The following NUMA1 variants were observed in gnomAD, a reference collection of about 807,000 sequenced individuals.
NUMA1 encodes the protein nuclear mitotic apparatus protein 1.
In NUMA1, 62 loss-of-function variants were observed where a neutral mutation model predicts 237.1. The ratio of observed to expected loss-of-function variants is 0.26; its 90% CI spans 0.21 to 0.32. The LOEUF is 0.32. NUMA1 is among the 10% of genes least tolerant of loss of function. The pLI is 1.00. For missense variants in NUMA1, 2,533 were observed against 2,666.5 expected (o/e 0.95, Z 1.10); for synonymous variants, 1,028 against 1,066.1 (o/e 0.96, Z 0.70).
At position 72,008,793 on chromosome 11, in the gene NUMA1, G is replaced by A. The variant is rs761844073; in HGVS notation, c.5111C>T (p.Thr1704Ile). Residue 1704 changes from threonine to isoleucine, a missense_variant, in exon 20 of 27, where the codon ACT becomes ATT. This residue lies in a region of NUMA1 where 795 missense variants were observed against 750.8 expected (regional missense o/e 1.06). Coordinates refer to ENST00000393695, the MANE Select transcript of NUMA1 (RefSeq NM_006185.4). Reference protein sequence around the residue: ...LRDLGKFQVATDALKSREPQA... With the variant: ...LRDLGKFQVAIDALKSREPQA... Reference sequence around the variant, plus strand: ...GGGCTCACGGCTCTTTAAAGCATCAGTTGCCACCTGGAATTTGCCCAGGTC... The same window carrying A: ...GGGCTCACGGCTCTTTAAAGCATCAATTGCCACCTGGAATTTGCCCAGGTC... 2 of 1,614,162 alleles carry A rather than the reference G, an allele frequency of 1.2e-6. No homozygotes were observed. The highest frequency in any genetic ancestry group is 2.2e-5 in the South Asian group (2 of 91,084).
rs752586679 is a variant in NUMA1, at chr11:72,008,747, G to T, written c.5157C>A (p.Asp1719Glu). Reference protein sequence around the residue: ...SREPQAKPQLDLSIDSLDLSC... With the variant: ...SREPQAKPQLELSIDSLDLSC... Reference sequence around the variant, plus strand: ...TCAGATCCAGGCTGTCAATACTCAAGTCCAGCTGGGGCTTAGCCTGGGGCT... The same window carrying T: ...TCAGATCCAGGCTGTCAATACTCAATTCCAGCTGGGGCTTAGCCTGGGGCT... The change falls in exon 20 of 27, where the codon GAC becomes GAA. Residue 1719 changes from aspartate (D) to glutamate (E), a missense_variant. Transcript: ENST00000393695. 1.7e-5 allele frequency: 28 copies of T among 1,614,000 alleles called. No individual in the cohort carries two copies. In the East Asian group the frequency reaches 6.2e-4, roughly 36 times the overall value.
chr11:72,057,400 T>C (rs1942713453), intron 2 of NUMA1, among the ~76,000 whole-genome samples: 1 of 152,220 alleles, frequency 6.6e-6, no homozygotes. Flanking sequence ...TTGACTTTCA[T>C]ATTTCTTTAC....
chr11:72,021,281 G>A lies in NUMA1; in HGVS notation c.383C>T (p.Ala128Val). 1 of 1,614,082 alleles carries A rather than the reference G, an allele frequency of 6.2e-7. No individual in the cohort carries two copies. The highest frequency in any genetic ancestry group is 8.5e-7 in the Non-Finnish European group (1 of 1,179,974). ...QFEYKIQAEL[A>V]VILKFVLDHE... is the part of the protein sequence containing the mutation. ...GTCCAGCACAAATTTAAGAATGACA[G>A]CCAACTCAGCCTGGGCCACAGGGAG... Residue 128 changes from alanine to valine, a missense_variant, in exon 8 of 27, where the codon GCT becomes GTT. By Grantham distance (64) the Ala-to-Val change is moderately conservative (BLOSUM62 0). This residue lies in a region of NUMA1 where 1,414 missense variants were observed against 1,508.1 expected (regional missense o/e 0.94). Transcript: ENST00000393695.
intron 1 of NUMA1, among the ~76,000 whole-genome samples, chr11:72,070,838 G>T (rs1469403084): frequency 6.6e-6 from 1 of 152,132 alleles, no homozygotes; most frequent in East Asian, 1.9e-4. Flanking sequence ...CCCCCTAAAG[G>T]CATTCAAATA....
intron 20 of NUMA1, chr11:72,008,162 A>C: frequency 2.1e-6 from 1 of 477,134 alleles, no homozygotes; most frequent in Non-Finnish European, 4.2e-6. Context: ...CAAAATAAGT[A>C]AATGTAAGTG....
At chr11:72,035,631 G>A (rs528786936) in intron 3 of NUMA1, among the ~76,000 whole-genome samples, 5 of 151,886 alleles carry the variant, frequency 3.3e-5, no homozygotes, top group Non-Finnish European at 5.9e-5. Context: ...GGCTGGTCTC[G>A]AACTCCTGAC....
Position 72,009,403 on chromosome 11 carries a change from A to G in NUMA1, c.4720-16T>C, listed in dbSNP as rs1015378083. ...CCTGGACAGCCTGAGAAGAAAGGCC[A>G]CTCAGGAAAGCTGGTCTGGCCGCTC... On this transcript the variant is annotated splice_polypyrimidine_tract_variant and intron_variant, in intron 17 of 26. Coordinates refer to ENST00000393695, the MANE Select transcript of NUMA1 (RefSeq NM_006185.4). 5 of 1,591,222 alleles carry G rather than the reference A, an allele frequency of 3.1e-6. No homozygotes were observed. Among genetic ancestry groups the G allele is most frequent in the Non-Finnish European group, 2.6e-6 (3 of 1,173,348 alleles).
chr11:72,011,056 T>C (rs78793085), intron 16 of NUMA1, among the ~76,000 whole-genome samples: 3,464 of 152,164 alleles, frequency 0.023, 128 homozygotes, highest in African/African-American at 0.079. Flanking sequence ...ACCTAACACA[T>C]AGATGTTGCC....
intron 2 of NUMA1, among the ~76,000 whole-genome samples, chr11:72,069,131 A>T (rs1382965631): frequency 6.6e-6 from 1 of 152,210 alleles, no homozygotes; most frequent in Non-Finnish European, 1.5e-5. Context: ...ATTGCCCCAT[A>T]ATTACAATCA....
chr11:72,008,201 C>A, intron 20 of NUMA1: 1 of 465,230 alleles, frequency 2.1e-6, no homozygotes, highest in Non-Finnish European at 4.3e-6. Flanking sequence ...CCAGTCTTAA[C>A]TTCTATACTA....
rs184235693 is a variant in NUMA1 at position 72,004,584 on chromosome 11, G to A, written c.6006+56C>T. The A allele has an allele frequency of 1.6e-3, 2,466 of 1,550,538 alleles. 6 individuals carry two copies. Among genetic ancestry groups the A allele is most frequent in the Middle Eastern group, 3.0e-3 (13 of 4,334 alleles). On this transcript the variant is annotated intron_variant, in intron 24 of 26. Transcript: ENST00000393695. ...GAAGGCTCCCTTTAGTCCTTGGTGA[G>A]CTGGGCCTGACCTGAGCACAGTGCT...
chr11:72,035,337 G>C (rs902756984), intron 3 of NUMA1, among the ~76,000 whole-genome samples: 2 of 152,038 alleles, frequency 1.3e-5, no homozygotes, highest in African/African-American at 4.8e-5. Context: ...CCTTGTCCTA[G>C]ATTAAAGGCC....
intron 8 of NUMA1, chr11:72,020,566 G>GA (rs1158132680): frequency 6.6e-6 from 1 of 152,156 alleles, no homozygotes; most frequent in Non-Finnish European, 1.5e-5. Flanking sequence ...TACATGACGG[G>GA]AAAAACATTT....
In NUMA1 at chr11:72,013,913, G is replaced by A. The variant is rs1956319540; in HGVS notation, c.3590C>T (p.Thr1197Ile). 2 of 1,613,976 alleles carry A rather than the reference G, an allele frequency of 1.2e-6. No homozygotes were observed. The highest frequency in any genetic ancestry group is 1.7e-6 in the Non-Finnish European group (2 of 1,180,032). ...SAQRELAAFR[T>I]KVQDHSKAED... ...AGCCTTGCTGTGGTCTTGTACCTTGGTGCGGAAGGCAGCCAACTCCCGTTG... is the reference window on the plus strand; with the variant it reads ...AGCCTTGCTGTGGTCTTGTACCTTGATGCGGAAGGCAGCCAACTCCCGTTG... The change falls in exon 15 of 27, where the codon ACC becomes ATC. Residue 1197 changes from threonine to isoleucine, a missense_variant. By Grantham distance (89) the Thr-to-Ile change is moderately conservative (BLOSUM62 -1). This residue lies in a region of NUMA1 where 1,414 missense variants were observed against 1,508.1 expected (regional missense o/e 0.94). Transcript: ENST00000393695. The surrounding 1 kb of genome is among the most constrained non-coding windows in gnomAD (Gnocchi z 6.8).
At chr11:72,011,451 A>G (rs776268730) in intron 16 of NUMA1, among the ~76,000 whole-genome samples, 2 of 152,236 alleles carry the variant, frequency 1.3e-5, no homozygotes, top group African/African-American at 2.4e-5. Context: ...ACAAAGAGGA[A>G]GAGCACAGGG....
At chr11:72,024,134 C>G (rs1371715838) in intron 5 of NUMA1, 140 bp downstream of exon 5, 1 of 662,166 alleles carries the variant, frequency 1.5e-6, no homozygotes, top group African/African-American at 1.8e-5. Context: ...TCTGAACCAG[C>G]TGTTTTCATC....
chr11:72,023,151 C>T lies in NUMA1; in HGVS notation c.209-4G>A. 1.2e-6 allele frequency: 2 copies of T among 1,608,872 alleles called. No homozygotes were observed. The highest frequency in any genetic ancestry group is 1.7e-6 in the Non-Finnish European group (2 of 1,175,724). On this transcript the variant is annotated splice_polypyrimidine_tract_variant and splice_region_variant and intron_variant, in intron 5 of 26. Transcript: ENST00000393695. ...GAAGAGGGATGTTTTCGATTTTCTGCAATGACAACAACGTAGAAAACAGGG... is the reference window on the plus strand; with the variant it reads ...GAAGAGGGATGTTTTCGATTTTCTGTAATGACAACAACGTAGAAAACAGGG...
At position 72,018,817 on chromosome 11, in the gene NUMA1, A is replaced by ACCT. The variant is rs1938305212; in HGVS notation, c.742+3_742+5dup. The ACCT allele has an allele frequency of 1.2e-6, 2 of 1,606,652 alleles. No homozygotes were observed. The highest frequency in any genetic ancestry group is 1.7e-6 in the Non-Finnish European group (2 of 1,179,010). On this transcript the variant is annotated splice_donor_region_variant and intron_variant, in intron 10 of 26. Coordinates refer to ENST00000393695, the MANE Select transcript of NUMA1 (RefSeq NM_006185.4). ...TCACACATCTGCCAGTGTGCCAGCC[A>ACCT]CCTACCCTTCTCGGTGAGGAGCTTG... is the stretch of plus-strand genomic sequence containing the variant.
chr11:72,017,322 A>G (rs1937976273), intron 13 of NUMA1: 1 of 322,162 alleles, frequency 3.1e-6, no homozygotes, highest in Non-Finnish European at 6.1e-6. Context: ...CGATGTGTGA[A>G]GTGCTTTACA....
Sources: gnomAD v4.1 joint callset for allele counts (sites outside exome capture counted in the v4.1 genomes callset) on GRCh38, gnomAD v4.1.1 for gene constraint, gnomAD v4.1.1 regional missense constraint, Gnocchi (gnomAD v3.1) non-coding constraint, MANE v1.5 for transcripts, NCBI Gene and HGNC (gene_info 2026-07-23, HGNC 2026-07-21) for gene names.